C1QTNF3: variants seen among roughly 807,000 people sequenced by gnomAD.
C1QTNF3 encodes complement C1q tumor necrosis factor-related protein 3.
Under a neutral mutation model 32.6 loss-of-function variants are expected in C1QTNF3, and 26 were observed. The ratio of observed to expected loss-of-function variants is 0.80; its 90% CI spans 0.58 to 1.11. C1QTNF3 has a LOEUF of 1.11. C1QTNF3 is among the 50% of genes least tolerant of loss of function. The probability of loss-of-function intolerance (pLI) is 0.00; values close to 1 mark genes in which losing one functional copy is unlikely to be tolerated. For synonymous variants in C1QTNF3, 155 were observed against 146.0 expected, an observed-to-expected ratio of 1.06 and a Z score of -0.44; for missense variants, 362 against 398.2, an observed-to-expected ratio of 0.91 and a Z score of 0.77.
chr5:34,153,872 A>C, the C1QTNF3 span, among the ~76,000 whole-genome samples: 12 of 150,364 alleles, frequency 8.0e-5, no homozygotes, highest in Non-Finnish European at 1.3e-4. Flanking sequence ...AAAAAAAAAA[A>C]AAACAAAAGC....
the C1QTNF3 span, among the ~76,000 whole-genome samples, chr5:34,142,145 G>A: frequency 6.6e-6 from 1 of 152,008 alleles, no homozygotes; most frequent in South Asian, 2.1e-4. Flanking sequence ...AAAAGAAACA[G>A]AGGCAGCTGG....
chr5:34,232,209 C>T, the C1QTNF3 span, among the ~76,000 whole-genome samples: 2 of 152,004 alleles, frequency 1.3e-5, no homozygotes, highest in African/African-American at 4.8e-5. Context: ...TTACCTGATC[C>T]CTGTACCCCC....
the C1QTNF3 span, among the ~76,000 whole-genome samples, chr5:34,170,527 T>C: frequency 1.2e-4 from 19 of 152,212 alleles, no homozygotes; most frequent in Non-Finnish European, 2.6e-4. Context: ...GTGGTGACAG[T>C]ATCGGGGGTG....
At chr5:34,116,220 G>A in the C1QTNF3 span, among the ~76,000 whole-genome samples, 1 of 152,046 alleles carries the variant, frequency 6.6e-6, no homozygotes, top group Non-Finnish European at 1.5e-5. Context: ...TGAGGTTGAA[G>A]AATATAATTT....
the C1QTNF3 span, among the ~76,000 whole-genome samples, chr5:34,053,624 C>T: frequency 1.3e-5 from 2 of 152,214 alleles, no homozygotes; most frequent in Non-Finnish European, 2.9e-5. Flanking sequence ...GGAAAGGACA[C>T]CTGTGTGATG....
the C1QTNF3 span, chr5:34,166,172 A>G: frequency 1.3e-5 from 2 of 152,130 alleles, no homozygotes; most frequent in South Asian, 4.1e-4. Flanking sequence ...ATCTCACGAC[A>G]ATGGATATAG....
At chr5:34,056,471 T>G in the C1QTNF3 span, among the ~76,000 whole-genome samples, 1 of 110,114 alleles carries the variant, frequency 9.1e-6, no homozygotes, top group East Asian at 2.8e-4. Flanking sequence ...TATATATATA[T>G]ATATATATAG....
the C1QTNF3 span, among the ~76,000 whole-genome samples, chr5:34,048,298 G>C: frequency 6.6e-6 from 1 of 151,318 alleles, no homozygotes; most frequent in South Asian, 2.1e-4. Context: ...ATGAGAGAGA[G>C]AGAGAGAGAG....
chr5:34,217,752 A>C, the C1QTNF3 span, among the ~76,000 whole-genome samples: 1 of 152,134 alleles, frequency 6.6e-6, no homozygotes, highest in Non-Finnish European at 1.5e-5. Context: ...TATACAATAC[A>C]GAAATTAAAT....
At chr5:34,216,328 G>A in the C1QTNF3 span, among the ~76,000 whole-genome samples, 26 of 152,312 alleles carry the variant, frequency 1.7e-4, no homozygotes, top group African/African-American at 6.3e-4. Context: ...CCATTCAGCA[G>A]GTGAAGTCAG....
the C1QTNF3 span, among the ~76,000 whole-genome samples, chr5:34,138,715 T>G: frequency 6.6e-6 from 1 of 152,206 alleles, no homozygotes; most frequent in African/African-American, 2.4e-5. Flanking sequence ...TGAGGTACAT[T>G]AATCAATTTG....
At chr5:34,212,945 C>T in the C1QTNF3 span, among the ~76,000 whole-genome samples, 1 of 152,018 alleles carries the variant, frequency 6.6e-6, no homozygotes, top group Non-Finnish European at 1.5e-5. Flanking sequence ...GCTATAAAGA[C>T]ACATGCACAC....
chr5:34,195,525 C>G, the C1QTNF3 span, among the ~76,000 whole-genome samples: 3 of 151,940 alleles, frequency 2.0e-5, no homozygotes, highest in South Asian at 4.2e-4. Context: ...CTGCTACAGA[C>G]TGCATGTTTG....
the C1QTNF3 span, among the ~76,000 whole-genome samples, chr5:34,113,505 C>A: frequency 6.6e-6 from 1 of 151,838 alleles, no homozygotes; most frequent in Non-Finnish European, 1.5e-5. Context: ...CAGATAGCAA[C>A]AATATATATA....
chr5:34,216,056 T>C, the C1QTNF3 span, among the ~76,000 whole-genome samples: 1 of 152,188 alleles, frequency 6.6e-6, no homozygotes, highest in Non-Finnish European at 1.5e-5. Context: ...TATTCCATCT[T>C]CTCACTCTCA....
chr5:34,063,514 C>T, the C1QTNF3 span, among the ~76,000 whole-genome samples: 2 of 147,260 alleles, frequency 1.4e-5, no homozygotes, highest in African/African-American at 2.5e-5. Flanking sequence ...GGAGATTGTA[C>T]TGGTGGGGGG....
At chr5:34,215,795 G>T in the C1QTNF3 span, among the ~76,000 whole-genome samples, 4 of 152,070 alleles carry the variant, frequency 2.6e-5, no homozygotes, top group Non-Finnish European at 4.4e-5. Flanking sequence ...ACCACATAAG[G>T]CTAACTTAAA....
At chr5:34,142,175 T>C in the C1QTNF3 span, among the ~76,000 whole-genome samples, 1 of 152,206 alleles carries the variant, frequency 6.6e-6, no homozygotes, top group African/African-American at 2.4e-5. Flanking sequence ...CTCATGCCTG[T>C]AATCCCAGCA....
the C1QTNF3 span, among the ~76,000 whole-genome samples, chr5:34,201,442 T>C: frequency 6.6e-6 from 1 of 152,278 alleles, no homozygotes; most frequent in South Asian, 2.1e-4. Flanking sequence ...GAGACAATTC[T>C]TGATGGAAAT....
Sources: gnomAD v4.1 joint callset for allele counts (sites outside exome capture counted in the v4.1 genomes callset) on GRCh38, gnomAD v4.1.1 for gene constraint, MANE v1.5 for transcripts, NCBI Gene and HGNC (gene_info 2026-07-23, HGNC 2026-07-21) for gene names.